Variants in MACROD2 observed in about 807,000 individuals in gnomAD.
MACROD2 encodes ADP-ribose glycohydrolase MACROD2.
MACROD2 carries 36 observed loss-of-function variants against 70.4 expected under a neutral mutation model. The ratio of observed to expected loss-of-function variants is 0.51; its 90% CI spans 0.39 to 0.68. The LOEUF is 0.68. Ranked by LOEUF, MACROD2 falls within the 30% of genes least tolerant of loss-of-function variation. The probability of loss-of-function intolerance (pLI) is 0.00; values close to 1 mark genes in which losing one functional copy is unlikely to be tolerated. For missense variants in MACROD2, 496 were observed against 538.4 expected, an observed-to-expected ratio of 0.92 and a Z score of 0.78; for synonymous variants, 172 against 178.8, an observed-to-expected ratio of 0.96 and a Z score of 0.30.
intron 5 of MACROD2, chr20:14,757,746 C>T: frequency 6.5e-7 from 1 of 1,531,792 alleles, no homozygotes. Flanking sequence ...GCACAGTTTG[C>T]CTGGAGACAT....
At chr20:15,434,412 G>A (rs1014160658) in intron 7 of MACROD2, among the ~76,000 whole-genome samples, 3 of 151,822 alleles carry the variant, frequency 2.0e-5, no homozygotes, top group Admixed American at 2.0e-4. Flanking sequence ...ACAAACATGT[G>A]AAAAAATGCT....
intron 5 of MACROD2, among the ~76,000 whole-genome samples, chr20:14,786,538 C>T (rs2123794037): frequency 6.7e-6 from 1 of 150,360 alleles, no homozygotes; most frequent in South Asian, 2.1e-4. Flanking sequence ...CTTTTAAACT[C>T]TAAGGGATTC....
At chr20:14,930,738 G>T (rs6043004) in intron 5 of MACROD2, among the ~76,000 whole-genome samples, 19,760 of 126,396 alleles carry the variant, frequency 0.16, 1,574 homozygotes, top group South Asian at 0.21. Context: ...GTTCAAGCCA[G>T]CCTGGGAAAC....
chr20:14,691,700 A>G (rs991075237), intron 5 of MACROD2, among the ~76,000 whole-genome samples: 1 of 151,892 alleles, frequency 6.6e-6, no homozygotes, highest in African/African-American at 2.4e-5. Context: ...GCCATCGTGG[A>G]CTCTCCCAGC....
intron 4 of MACROD2, among the ~76,000 whole-genome samples, chr20:14,531,067 A>G (rs2123206254): frequency 6.6e-6 from 1 of 152,308 alleles, no homozygotes; most frequent in East Asian, 1.9e-4. Context: ...TCTGGAAATT[A>G]TTTTATTTTC....
intron 8 of MACROD2, among the ~76,000 whole-genome samples, chr20:15,720,563 G>A (rs572208961): frequency 1.3e-5 from 2 of 152,246 alleles, no homozygotes; most frequent in Non-Finnish European, 2.9e-5. Flanking sequence ...TCAATGCCTC[G>A]TTAGAGATGC....
At chr20:15,665,975 T>C (rs2049891965) in intron 8 of MACROD2, among the ~76,000 whole-genome samples, 1 of 135,244 alleles carries the variant, frequency 7.4e-6, no homozygotes, top group Non-Finnish European at 1.6e-5. Flanking sequence ...TATTTCATGC[T>C]GTAGAGAAAA....
intron 3 of MACROD2, among the ~76,000 whole-genome samples, chr20:14,108,964 A>G (rs1213226521): frequency 6.6e-6 from 1 of 152,062 alleles, no homozygotes; most frequent in Admixed American, 6.6e-5. Flanking sequence ...CAGAATACAC[A>G]GTCTTTTCCT....
chr20:15,187,470 C>G (rs1253806589), intron 5 of MACROD2, among the ~76,000 whole-genome samples: 1 of 152,252 alleles, frequency 6.6e-6, no homozygotes, highest in East Asian at 1.9e-4. Flanking sequence ...TGTATGCACA[C>G]CCAGCATTTA....
At chr20:15,928,597 G>C (rs1167457919) in intron 10 of MACROD2, among the ~76,000 whole-genome samples, 1 of 152,224 alleles carries the variant, frequency 6.6e-6, no homozygotes, top group Non-Finnish European at 1.5e-5. Context: ...TGTCTCAGTT[G>C]TCTCATCCAT....
intron 5 of MACROD2, among the ~76,000 whole-genome samples, chr20:15,063,375 G>A (rs190057743): frequency 6.6e-6 from 1 of 151,830 alleles, no homozygotes; most frequent in African/African-American, 2.4e-5. Flanking sequence ...ACCACACTCT[G>A]TGAGGGTCAT....
At chr20:14,363,559 GCCTGTAATCCCAGCAC>G (rs1302228557) in intron 3 of MACROD2, among the ~76,000 whole-genome samples, 3 of 152,024 alleles carry the variant, frequency 2.0e-5, no homozygotes, top group Admixed American at 2.0e-4. Flanking sequence ...GGTGGCTCAC[GCCTGTAATCCCAGCAC>G]TTTGGGAGGC....
At chr20:14,014,814 G>GT (rs559331645) in intron 2 of MACROD2, among the ~76,000 whole-genome samples, 10 of 150,808 alleles carry the variant, frequency 6.6e-5, no homozygotes, top group South Asian at 2.1e-4. Context: ...GTTTTGTTTT[G>GT]TTTTTTTAGA....
chr20:15,775,908 A>G (rs931881229), intron 8 of MACROD2, among the ~76,000 whole-genome samples: 6 of 152,182 alleles, frequency 3.9e-5, no homozygotes, highest in African/African-American at 1.4e-4. Flanking sequence ...GAAATAAATT[A>G]TAACAAAACT....
At chr20:15,261,132 C>T (rs1475644764) in intron 6 of MACROD2, among the ~76,000 whole-genome samples, 1 of 151,962 alleles carries the variant, frequency 6.6e-6, no homozygotes, top group Non-Finnish European at 1.5e-5. Context: ...TGAGGTGCTG[C>T]TCTAGTAATC....
In MACROD2 at chr20:14,612,123, G is replaced by A. The variant is rs564004713; in HGVS notation, c.302-72720G>A. On this transcript the variant is annotated intron_variant, in intron 4 of 17. Coordinates refer to ENST00000684519, the MANE Select transcript of MACROD2 (RefSeq NM_001351661.2). The stretch of plus-strand genomic sequence containing the variant: ...GTCTGTTGTTTATAGAGATTTTTAG[G>A]TGTAAATTATCTAGCCAGATGTTTA... 2.0e-5 allele frequency among the ~76,000 whole-genome samples: 3 copies of A among 152,164 alleles called. No homozygotes were observed. In the South Asian group the frequency reaches 6.2e-4, roughly 32 times the overall value.
chr20:14,501,675 T>C (rs1203289247), intron 4 of MACROD2, among the ~76,000 whole-genome samples: 2 of 152,116 alleles, frequency 1.3e-5, no homozygotes, highest in African/African-American at 4.8e-5. Context: ...TTAGTCATTC[T>C]TTCAGAAAAT....
chr20:16,008,462 T>G (rs2066819280), intron 15 of MACROD2, among the ~76,000 whole-genome samples: 1 of 152,182 alleles, frequency 6.6e-6, no homozygotes, highest in Non-Finnish European at 1.5e-5. Context: ...TACATGAACT[T>G]CTCCCTGGGT....
intron 5 of MACROD2, among the ~76,000 whole-genome samples, chr20:14,914,789 T>C (rs993198177): frequency 6.6e-6 from 1 of 152,254 alleles, no homozygotes; most frequent in African/African-American, 2.4e-5. Context: ...TCCTTCATGC[T>C]GCCAGACTCA....
Sources: gnomAD v4.1 joint callset for allele counts (sites outside exome capture counted in the v4.1 genomes callset) on GRCh38, gnomAD v4.1.1 for gene constraint, MANE v1.5 for transcripts, NCBI Gene and HGNC (gene_info 2026-07-23, HGNC 2026-07-21) for gene names.